NRG1: variants seen among roughly 807,000 people sequenced by gnomAD.
The protein encoded by NRG1 is neuregulin 1.
Under a neutral mutation model 63.8 loss-of-function variants are expected in NRG1, and 18 were observed. The ratio of observed to expected loss-of-function variants is 0.28; its 90% CI spans 0.19 to 0.42. NRG1 has a LOEUF of 0.42. NRG1 is among the 10% of genes least tolerant of loss of function. The pLI is 1.00. For missense variants in NRG1, 762 were observed against 814.7 expected (o/e 0.94, Z 0.79); for synonymous variants, 302 against 301.3 (o/e 1.00, Z -0.02).
intron 1 of NRG1, among the ~76,000 whole-genome samples, chr8:31,701,483 C>A (rs180929551): frequency 3.3e-3 from 509 of 152,098 alleles, no homozygotes; most frequent in Non-Finnish European, 5.0e-3. Flanking sequence ...CAAGAGGGAA[C>A]AATTATATTA....
At chr8:32,648,370 C>A (rs763683637) in intron 5 of NRG1, 1 of 1,614,090 alleles carries the variant, frequency 6.2e-7, no homozygotes, top group East Asian at 2.2e-5. Context: ...AATCTCCAAA[C>A]TGCTCCTAAA....
intron 1 of NRG1, among the ~76,000 whole-genome samples, chr8:32,261,644 G>A (rs1850387070): frequency 6.6e-6 from 1 of 152,052 alleles, no homozygotes; most frequent in South Asian, 2.1e-4. Context: ...TCTAGGGAGT[G>A]AGGACCAACA....
At chr8:32,281,115 G>A (rs928597775) in intron 1 of NRG1, among the ~76,000 whole-genome samples, 1 of 149,848 alleles carries the variant, frequency 6.7e-6, no homozygotes, top group Non-Finnish European at 1.5e-5. Flanking sequence ...ATGTTACTGG[G>A]GTTTGGTGTA....
chr8:32,757,536 G>A (rs1357777786), intron 9 of NRG1, among the ~76,000 whole-genome samples: 3 of 152,174 alleles, frequency 2.0e-5, no homozygotes, highest in Non-Finnish European at 2.9e-5. Context: ...AACTTTGTTG[G>A]AGCAAGGTGC....
At chr8:32,250,133 CTCTG>C (rs1196693969) in intron 1 of NRG1, among the ~76,000 whole-genome samples, 2 of 152,088 alleles carry the variant, frequency 1.3e-5, no homozygotes, top group African/African-American at 4.8e-5. Flanking sequence ...CTTTCATCCT[CTCTG>C]TCTGATCTCT....
intron 1 of NRG1, among the ~76,000 whole-genome samples, chr8:32,307,291 T>G (rs569866038): frequency 6.6e-6 from 1 of 152,130 alleles, no homozygotes; most frequent in Non-Finnish European, 1.5e-5. Context: ...TAGATGTAGC[T>G]AATTAGACAT....
At chr8:32,123,197 G>T (rs1209118035) in intron 1 of NRG1, among the ~76,000 whole-genome samples, 2 of 151,690 alleles carry the variant, frequency 1.3e-5, no homozygotes, top group African/African-American at 4.9e-5. Context: ...ATTGATAGGG[G>T]TTGGCTGTGG....
chr8:31,772,781 TA>T (rs1384575472), intron 1 of NRG1, among the ~76,000 whole-genome samples: 1 of 152,188 alleles, frequency 6.6e-6, no homozygotes. Flanking sequence ...AGGGGGAACC[TA>T]AAAAATTCTG....
intron 1 of NRG1, among the ~76,000 whole-genome samples, chr8:31,920,803 A>T (rs1833833327): frequency 6.6e-6 from 1 of 152,110 alleles, no homozygotes; most frequent in South Asian, 2.1e-4. Flanking sequence ...AGCATTTGGT[A>T]AGTTGTAAGG....
chr8:32,023,960 A>G (rs1483960272), intron 1 of NRG1, among the ~76,000 whole-genome samples: 1 of 152,144 alleles, frequency 6.6e-6, no homozygotes, highest in Admixed American at 6.5e-5. Context: ...TCCCAAACAT[A>G]GAAAAGTAAC....
At chr8:31,981,267 A>T (rs1372399322) in intron 1 of NRG1, among the ~76,000 whole-genome samples, 1 of 152,024 alleles carries the variant, frequency 6.6e-6, no homozygotes, top group Non-Finnish European at 1.5e-5. Context: ...TCGATAGCTT[A>T]TGTATTTGAA....
At chr8:32,094,774 C>A (rs1829664379) in intron 1 of NRG1, among the ~76,000 whole-genome samples, 1 of 151,758 alleles carries the variant, frequency 6.6e-6, no homozygotes, top group Non-Finnish European at 1.5e-5. Flanking sequence ...GTCCTTCTAC[C>A]CTCCCCGCAA....
intron 1 of NRG1, among the ~76,000 whole-genome samples, chr8:31,753,740 T>G (rs1816705701): frequency 6.6e-6 from 1 of 152,048 alleles, no homozygotes; most frequent in African/African-American, 2.4e-5. Context: ...TATATCAGGG[T>G]TTTTTTAAGT....
exon 12 of NRG1, chr8:32,767,328 G>C (rs1411880382): frequency 6.6e-6 from 1 of 152,078 alleles, no homozygotes; most frequent in Non-Finnish European, 1.5e-5. Flanking sequence ...TTATGGCCTG[G>C]GGTTAAAGGG....
At chr8:32,538,015 C>T (rs1277797894) in intron 1 of NRG1, among the ~76,000 whole-genome samples, 2 of 152,090 alleles carry the variant, frequency 1.3e-5, no homozygotes, top group East Asian at 3.9e-4. Context: ...CCATGACCAC[C>T]TAATTTTTGT....
At chr8:31,891,542 G>A (rs2129613981) in intron 1 of NRG1, among the ~76,000 whole-genome samples, 1 of 152,284 alleles carries the variant, frequency 6.6e-6, no homozygotes, top group East Asian at 1.9e-4. Flanking sequence ...TTGCTGCTGG[G>A]AATGTAAAAT....
intron 1 of NRG1, among the ~76,000 whole-genome samples, chr8:32,370,997 A>T (rs2129482703): frequency 6.6e-6 from 1 of 151,480 alleles, no homozygotes; most frequent in African/African-American, 2.4e-5. Context: ...GAATCACCTG[A>T]GGTTAGGAGT....
chr8:31,657,096 C>T (rs1249391746), intron 1 of NRG1, among the ~76,000 whole-genome samples: 1 of 152,184 alleles, frequency 6.6e-6, no homozygotes, highest in Admixed American at 6.5e-5. Context: ...TGATTTGATG[C>T]ATTCATAGCT....
intron 1 of NRG1, among the ~76,000 whole-genome samples, chr8:31,870,499 C>T (rs1416442040): frequency 6.6e-6 from 1 of 151,948 alleles, no homozygotes; most frequent in Non-Finnish European, 1.5e-5. Flanking sequence ...TGAAAAAGCT[C>T]ATTTTGTGAA....
Sources: gnomAD v4.1 joint callset for allele counts (sites outside exome capture counted in the v4.1 genomes callset) on GRCh38, gnomAD v4.1.1 for gene constraint, MANE v1.5 for transcripts, NCBI Gene and HGNC (gene_info 2026-07-23, HGNC 2026-07-21) for gene names.